Variants in GFPT1 observed in about 807,000 individuals in gnomAD.
GFPT1 encodes glutamine--fructose-6-phosphate aminotransferase [isomerizing] 1.
A neutral mutation model predicts 92.0 loss-of-function variants in GFPT1; 40 were observed. The observed-to-expected ratio is 0.43, with a 90% CI of 0.34 to 0.57. The LOEUF (loss-of-function observed/expected upper bound fraction) is 0.57. Ranked by LOEUF, GFPT1 falls within the 20% of genes least tolerant of loss-of-function variation. The pLI, the probability that GFPT1 is intolerant of heterozygous loss-of-function variation, is 0.02. For synonymous variants in GFPT1, 269 were observed against 280.6 expected (o/e 0.96, Z 0.41); for missense variants, 448 against 869.1 (o/e 0.52, Z 6.09).
rs1247759032 is a variant in GFPT1 at position 69,328,494 on chromosome 2, A to C, written c.1726-56T>G. 5 of 1,291,544 alleles carry C rather than the reference A, an allele frequency of 3.9e-6. No individual in the cohort carries two copies. In the East Asian group the frequency reaches 6.9e-5, roughly 18 times the overall value. 80.0% of individuals were successfully genotyped at this position (1,291,544 alleles called of 1,614,324 possible). ...TCCACTTTTCAAAAATCCATGTTTA[A>C]GTAAATATTATAAAAAGCATCTGAT... On this transcript the variant is annotated intron_variant, in intron 17 of 19. Transcript: ENST00000357308.
chr2:69,342,715 G>C (rs568793938), intron 12 of GFPT1, among the ~76,000 whole-genome samples: 1 of 152,244 alleles, frequency 6.6e-6, no homozygotes, highest in East Asian at 1.9e-4. Flanking sequence ...TGTTGTAGAG[G>C]TTTGTCAAAC....
Position 69,321,007 on chromosome 2 carries a change from C to T in GFPT1, c.*5182G>A, listed in dbSNP as rs1233527448. 1 of 152,170 alleles carries T rather than the reference C, an allele frequency of 6.6e-6. No individual in the cohort carries two copies. Among genetic ancestry groups the T allele is most frequent in the African/African-American group, 2.4e-5 (1 of 41,438 alleles). 9.4% of individuals were successfully genotyped at this position (152,170 alleles called of 1,614,324 possible). A position where few individuals can be genotyped will look rare whatever the true frequency, so the allele number is the denominator to read the frequency against. ...AAAAACGCAGCAGGTGCTATAACCA[C>T]TAGGGATAGACTCTAGCTTGCTGTT... On this transcript the variant is annotated 3_prime_UTR_variant, in exon 20 of 20. Transcript: ENST00000357308.
chr2:69,383,214 T>C (rs756880773), intron 1 of GFPT1, among the ~76,000 whole-genome samples: 67 of 152,210 alleles, frequency 4.4e-4, no homozygotes, highest in Non-Finnish European at 8.8e-4. Flanking sequence ...AAGTTAGGTA[T>C]ATATTTAGAA....
chr2:69,340,301 A>G (rs1000490853), intron 13 of GFPT1, among the ~76,000 whole-genome samples: 2 of 152,002 alleles, frequency 1.3e-5, no homozygotes, highest in Admixed American at 6.6e-5. Context: ...AGCTGGAACT[A>G]TAGGCACACA....
chr2:69,348,485 T>C, intron 10 of GFPT1, 151 bp from the exon 11 acceptor site: 1 of 707,456 alleles, frequency 1.4e-6, no homozygotes, highest in Non-Finnish European at 2.5e-6. Flanking sequence ...TGCCAACCCC[T>C]ACAGGAAAGT....
chr2:69,366,856 T>G (rs1671624042), intron 3 of GFPT1, among the ~76,000 whole-genome samples: 1 of 152,146 alleles, frequency 6.6e-6, no homozygotes, highest in African/African-American at 2.4e-5. Context: ...CTACCTCTAC[T>G]CCCATGGCTC....
chr2:69,368,484 T>C (rs1234409204), intron 3 of GFPT1, among the ~76,000 whole-genome samples: 1 of 151,910 alleles, frequency 6.6e-6, no homozygotes, highest in Non-Finnish European at 1.5e-5. Context: ...TCCCACTACT[T>C]TGAGAGGCCG....
chr2:69,329,896 T>C (rs1347333169), intron 15 of GFPT1, 98 bp from the exon 16 acceptor site: 2 of 757,838 alleles, frequency 2.6e-6, no homozygotes, highest in Non-Finnish European at 4.8e-6. Flanking sequence ...TTCCCATTGG[T>C]TTTACAGTAT....
intron 1 of GFPT1, among the ~76,000 whole-genome samples, chr2:69,384,330 G>A (rs777788113): frequency 1.6e-4 from 25 of 152,102 alleles, no homozygotes; most frequent in Non-Finnish European, 3.2e-4. Flanking sequence ...AATTTTATCA[G>A]TATATCTGAT....
chr2:69,341,915 T>A (rs1379597325), intron 13 of GFPT1, among the ~76,000 whole-genome samples: 3 of 152,180 alleles, frequency 2.0e-5, no homozygotes, highest in African/African-American at 7.2e-5. Flanking sequence ...TGGCCTTTCA[T>A]GAAGTCCGTT....
At chr2:69,347,319 G>C (rs1024274039) in intron 11 of GFPT1, among the ~76,000 whole-genome samples, 1 of 151,588 alleles carries the variant, frequency 6.6e-6, no homozygotes, top group Non-Finnish European at 1.5e-5. Context: ...CCTAAGTGTT[G>C]AGATTACAGG....
chr2:69,366,340 T>C (rs1463184756), intron 3 of GFPT1, among the ~76,000 whole-genome samples: 1 of 152,198 alleles, frequency 6.6e-6, no homozygotes, highest in African/African-American at 2.4e-5. Flanking sequence ...AAATATTTCC[T>C]GTCATATAAA....
At chr2:69,368,191 G>T (rs894403523) in intron 3 of GFPT1, among the ~76,000 whole-genome samples, 4 of 152,242 alleles carry the variant, frequency 2.6e-5, no homozygotes, top group African/African-American at 4.8e-5. Flanking sequence ...GACTATCCTG[G>T]CTAACATGGT....
At chr2:69,367,580 CA>C (rs1463169930) in intron 3 of GFPT1, among the ~76,000 whole-genome samples, 7 of 152,160 alleles carry the variant, frequency 4.6e-5, no homozygotes, top group Non-Finnish European at 1.0e-4. Context: ...AGGCTGGTCT[CA>C]AACACCAGAG....
intron 1 of GFPT1, among the ~76,000 whole-genome samples, chr2:69,384,024 A>C (rs566927335): frequency 2.0e-4 from 30 of 152,256 alleles, no homozygotes; most frequent in Non-Finnish European, 3.8e-4. Flanking sequence ...GGGATAGCTT[A>C]AGTGACTTGA....
intron 4 of GFPT1, 33 bp downstream of exon 4, chr2:69,363,511 CA>C: frequency 6.2e-6 from 10 of 1,606,736 alleles, no homozygotes; most frequent in Non-Finnish European, 8.5e-6. Flanking sequence ...TAGGTTTCCA[CA>C]ATCATTCCAA....
chr2:69,386,024 C>A (rs1453696936), intron 1 of GFPT1, among the ~76,000 whole-genome samples: 1 of 118,284 alleles, frequency 8.5e-6, no homozygotes, highest in Non-Finnish European at 1.8e-5. Context: ...TGGTACTTCC[C>A]TTTAAAAAAA....
chr2:69,357,227 T>C (rs1347393855), intron 6 of GFPT1, among the ~76,000 whole-genome samples: 3 of 150,614 alleles, frequency 2.0e-5, no homozygotes, highest in Non-Finnish European at 2.9e-5. Context: ...TTAGAAAAGA[T>C]CCTAAGATCA....
In GFPT1 at chr2:69,322,604, A is replaced by G. The variant is rs1457990229; in HGVS notation, c.*3585T>C. The G allele has an allele frequency of 2.0e-5, 3 of 152,236 alleles. No individual in the cohort carries two copies. Among genetic ancestry groups the G allele is most frequent in the Non-Finnish European group, 2.9e-5 (2 of 68,036 alleles). The allele number at this position is 152,236 out of a possible 1,614,324, so 9.4% of individuals were successfully genotyped here. A position where few individuals can be genotyped will look rare whatever the true frequency, so the allele number is the denominator to read the frequency against. Reference sequence around the variant, plus strand: ...ACAAGAGATCTGTATTCAAAAAGATAAAACAATCTCATCTCAGTAACTACC... The same window carrying G: ...ACAAGAGATCTGTATTCAAAAAGATGAAACAATCTCATCTCAGTAACTACC... On this transcript the variant is annotated 3_prime_UTR_variant, in exon 20 of 20. Transcript: ENST00000357308.
Sources: allele counts gnomAD v4.1 joint callset (sites outside exome capture counted in the v4.1 genomes callset), GRCh38; gene constraint gnomAD v4.1.1; transcripts MANE v1.5; gene names NCBI Gene and HGNC (gene_info 2026-07-23, HGNC 2026-07-21).